PTGIS: variants seen among roughly 807,000 people sequenced by gnomAD.
PTGIS encodes the protein prostaglandin I2 synthase.
Under a neutral mutation model 50.3 loss-of-function variants are expected in PTGIS, and 45 were observed. The ratio of observed to expected loss-of-function variants is 0.90; its 90% CI spans 0.70 to 1.15. The LOEUF (loss-of-function observed/expected upper bound fraction) is 1.15. Ranked by LOEUF, PTGIS falls within the 50% of genes most tolerant of loss-of-function variation. PTGIS has a pLI of 0.00. For synonymous variants in PTGIS, 260 were observed against 267.7 expected (o/e 0.97, Z 0.28); for missense variants, 668 against 661.3 (o/e 1.01, Z -0.11).
At chr20:49,510,443 G>A (rs964222170) in intron 9 of PTGIS, among the ~76,000 whole-genome samples, 2 of 152,158 alleles carry the variant, frequency 1.3e-5, no homozygotes, top group African/African-American at 4.8e-5. Context: ...CACTCCTGGG[G>A]TATAGTTATA....
intron 7 of PTGIS, among the ~76,000 whole-genome samples, chr20:49,513,916 G>A (rs1022324049): frequency 6.6e-6 from 1 of 152,350 alleles, no homozygotes; most frequent in Admixed American, 6.5e-5. Flanking sequence ...GAGGAACTGA[G>A]TAGTCCTGAC....
chr20:49,547,995 T>C lies in PTGIS; in HGVS notation c.223A>G (p.Thr75Ala). The C allele has an allele frequency of 6.2e-7, 1 of 1,613,888 alleles. No individual in the cohort carries two copies. Among genetic ancestry groups the C allele is most frequent in the Non-Finnish European group, 8.5e-7 (1 of 1,179,978 alleles). Residue 75 changes from threonine to alanine, a missense_variant, in exon 3 of 10, where the codon ACC (threonine) becomes GCC (alanine). Coordinates refer to ENST00000244043, the MANE Select transcript of PTGIS (RefSeq NM_000961.4). ...TAGGAGTGTGGGTCCAGGAGAACGG[T>C]GACATACCTGCCCCCAACCAGTATC... ...FTILVGGRYV[T>A]VLLDPHSYDA...
Position 49,568,113 on chromosome 20 carries a change from C to A in PTGIS, c.4G>T (p.Ala2Ser). The A allele has an allele frequency of 1.3e-6, 1 of 772,884 alleles. No individual in the cohort carries two copies. Among genetic ancestry groups the A allele is most frequent in the Non-Finnish European group, 1.7e-6 (1 of 592,256 alleles). 47.9% of individuals were successfully genotyped at this position (772,884 alleles called of 1,614,324 possible). The change falls in exon 1 of 10, where the codon GCT (alanine) becomes TCT (serine). Residue 2 changes from alanine to serine, a missense_variant. Ala to Ser is a moderately conservative substitution (Grantham distance 99). Coordinates refer to ENST00000244043, the MANE Select transcript of PTGIS (RefSeq NM_000961.4). Reference sequence around the variant, plus strand: ...AGGAGGCCGAGGAGCGCGGCCCAAGCCATCGCGGGGCTGGCGGGGCTGGCG... The same window carrying A: ...AGGAGGCCGAGGAGCGCGGCCCAAGACATCGCGGGGCTGGCGGGGCTGGCG... M[A>S]WAALLGLLAA...
intron 1 of PTGIS, 118 bp from the exon 2 acceptor site, chr20:49,550,307 C>A: frequency 7.4e-7 from 1 of 1,345,150 alleles, no homozygotes; most frequent in South Asian, 1.2e-5. Context: ...ATGGAGCACT[C>A]GGGGACTATT....
chr20:49,515,429 G>A (rs556962736), intron 6 of PTGIS, among the ~76,000 whole-genome samples: 2 of 152,264 alleles, frequency 1.3e-5, no homozygotes, highest in South Asian at 4.2e-4. Flanking sequence ...TGTGTATATG[G>A]CACCCTTTAG....
intron 5 of PTGIS, among the ~76,000 whole-genome samples, chr20:49,536,646 A>G (rs1982085204): frequency 6.6e-6 from 1 of 151,376 alleles, no homozygotes; most frequent in Non-Finnish European, 1.5e-5. Flanking sequence ...ACGCCCAGCT[A>G]ATTTTTTTGT....
At chr20:49,530,799 C>A (rs1022069820) in intron 5 of PTGIS, among the ~76,000 whole-genome samples, 1 of 152,102 alleles carries the variant, frequency 6.6e-6, no homozygotes, top group East Asian at 1.9e-4. Context: ...CTCGCTCTGT[C>A]GCCAGGCTGG....
chr20:49,560,742 C>T (rs903834480), intron 1 of PTGIS, among the ~76,000 whole-genome samples: 9 of 152,028 alleles, frequency 5.9e-5, no homozygotes, highest in East Asian at 5.8e-4. Flanking sequence ...GGAGCATGCT[C>T]GGTGAGGTTT....
At chr20:49,511,004 G>A in intron 9 of PTGIS, 24 bp downstream of exon 9, 1 of 1,609,872 alleles carries the variant, frequency 6.2e-7, no homozygotes, top group East Asian at 2.2e-5. Flanking sequence ...AGCCACCCTG[G>A]CCCTGCCCTG....
chr20:49,528,213 C>T (rs865941822), intron 5 of PTGIS, among the ~76,000 whole-genome samples: 18 of 152,204 alleles, frequency 1.2e-4, no homozygotes, highest in Admixed American at 8.5e-4. Flanking sequence ...TGAAAAATTC[C>T]GGACATAAAC....
At position 49,544,272 on chromosome 20, in the gene PTGIS, C is replaced by A. The variant is rs564652790; in HGVS notation, c.521+33G>T. The A allele has an allele frequency of 2.4e-5, 38 of 1,612,872 alleles. No homozygotes were observed. The African/African-American group carries it at 4.7e-4, about 20-fold the overall frequency. On this transcript the variant is annotated intron_variant, in intron 4 of 9. Coordinates refer to ENST00000244043, the MANE Select transcript of PTGIS (RefSeq NM_000961.4). ...GCTGACACAGGTCAAAGTGCCGGGC[C>A]CCAGCAGGAGGGTGGGGGCTGCACA...
intron 1 of PTGIS, among the ~76,000 whole-genome samples, chr20:49,558,364 A>G (rs1982674009): frequency 6.6e-6 from 1 of 152,166 alleles, no homozygotes; most frequent in Admixed American, 6.6e-5. Context: ...ACTACAACCT[A>G]AGCAAGAGAA....
chr20:49,555,549 A>G (rs184462099), intron 1 of PTGIS, among the ~76,000 whole-genome samples: 1 of 152,310 alleles, frequency 6.6e-6, no homozygotes, highest in African/African-American at 2.4e-5. Flanking sequence ...TCAAATATGA[A>G]ATGGTGTTTA....
chr20:49,526,930 G>T (rs887420143), intron 5 of PTGIS, among the ~76,000 whole-genome samples: 1 of 152,158 alleles, frequency 6.6e-6, no homozygotes, highest in African/African-American at 2.4e-5. Context: ...TCCTCAGAAA[G>T]TTAAAGAATT....
intron 9 of PTGIS, among the ~76,000 whole-genome samples, chr20:49,509,877 C>CT (rs1981262557): frequency 8.7e-6 from 1 of 115,200 alleles, no homozygotes; most frequent in Non-Finnish European, 1.7e-5. Context: ...TTCTTTCTTT[C>CT]TTTCTTTTTT....
intron 1 of PTGIS, among the ~76,000 whole-genome samples, chr20:49,556,364 C>T (rs888215937): frequency 6.6e-6 from 1 of 152,124 alleles, no homozygotes; most frequent in African/African-American, 2.4e-5. Flanking sequence ...AATAAAAGCA[C>T]CTTGGAAAAA....
At chr20:49,514,903 C>A (rs556716923) in intron 6 of PTGIS, among the ~76,000 whole-genome samples, 2 of 152,214 alleles carry the variant, frequency 1.3e-5, no homozygotes, top group Non-Finnish European at 2.9e-5. Flanking sequence ...GAAGGAACAG[C>A]CACTCTACGC....
At chr20:49,559,011 C>T (rs1982694282) in intron 1 of PTGIS, among the ~76,000 whole-genome samples, 1 of 152,060 alleles carries the variant, frequency 6.6e-6, no homozygotes, top group African/African-American at 2.4e-5. Flanking sequence ...CCATGCTGGG[C>T]CAGGAAGCTA....
At chr20:49,564,081 T>G (rs1001003543) in intron 1 of PTGIS, among the ~76,000 whole-genome samples, 4 of 152,232 alleles carry the variant, frequency 2.6e-5, no homozygotes, top group Admixed American at 6.5e-5. Flanking sequence ...ACCACCCTCA[T>G]GTTCACCGAA....
Sources: allele counts gnomAD v4.1 joint callset (sites outside exome capture counted in the v4.1 genomes callset), GRCh38; gene constraint gnomAD v4.1.1; transcripts MANE v1.5; gene names NCBI Gene and HGNC (gene_info 2026-07-23, HGNC 2026-07-21).